Variants in GARNL3 observed in about 807,000 individuals in gnomAD.
GARNL3 encodes GTPase-activating Rap/Ran-GAP domain-like protein 3.
In GARNL3, 63 loss-of-function variants were observed where a neutral mutation model predicts 125.0. The ratio of observed to expected loss-of-function variants is 0.50; its 90% CI spans 0.41 to 0.62. GARNL3 has a LOEUF of 0.62. Among genes scored for constraint, GARNL3 ranks in the 20% least tolerant of loss-of-function variants. The pLI is 0.00. For missense variants in GARNL3, 994 were observed against 1,244.0 expected (o/e 0.80, Z 3.02); for synonymous variants, 439 against 457.5 (o/e 0.96, Z 0.52).
In GARNL3 at chr9:127,335,278, A is replaced by G; in HGVS notation, c.818A>G (p.Glu273Gly). 2 of 1,614,114 alleles carry G rather than the reference A, an allele frequency of 1.2e-6. 1 individual carries two copies. Among genetic ancestry groups the G allele is most frequent in the South Asian group, 2.2e-5 (2 of 91,090 alleles). ...GTTTATACTGTGTACCAAGGGCATG[A>G]GATCATGTTTCATGTTTCCACCATG... ...HSVYTVYQGH[E>G]IMFHVSTMLP... The change falls in exon 10 of 28, where the codon GAG becomes GGG. Residue 273 changes from glutamate (E) to glycine (G), a missense_variant. Glu to Gly is a moderately conservative substitution (Grantham distance 98). Around this residue, in one of 5 missense-constraint regions of GARNL3, gnomAD observed 71 missense variants for 66.2 expected, o/e 1.07. Transcript: ENST00000373387.
chr9:127,231,389 A>C (rs921416314), intron 1 of GARNL3, among the ~76,000 whole-genome samples: 1 of 151,958 alleles, frequency 6.6e-6, no homozygotes, highest in African/African-American at 2.4e-5. Flanking sequence ...TGATATTTTA[A>C]GACATATATC....
intron 22 of GARNL3, among the ~76,000 whole-genome samples, chr9:127,368,286 T>C (rs567830754): frequency 6.6e-6 from 1 of 151,238 alleles, no homozygotes; most frequent in South Asian, 2.1e-4. Context: ...GGACCAGAAC[T>C]ACAGCAGTGG....
intron 22 of GARNL3, among the ~76,000 whole-genome samples, chr9:127,371,264 C>G (rs1467508749): frequency 6.6e-6 from 1 of 152,228 alleles, no homozygotes; most frequent in Non-Finnish European, 1.5e-5. Flanking sequence ...CCACCTCTCC[C>G]CTCTGCACTG....
intron 2 of GARNL3, among the ~76,000 whole-genome samples, chr9:127,304,661 G>A (rs539393865): frequency 1.4e-5 from 2 of 145,514 alleles, no homozygotes; most frequent in Admixed American, 1.5e-4. Flanking sequence ...TCAGCCTCCC[G>A]AGTAGCTGGG....
At chr9:127,225,757 C>T (rs1314836810) in intron 1 of GARNL3, among the ~76,000 whole-genome samples, 1 of 104,080 alleles carries the variant, frequency 9.6e-6, no homozygotes, top group Non-Finnish European at 2.1e-5. Context: ...GGCTTCCTTC[C>T]GGCGCCCGCG....
chr9:127,330,216 A>C (rs1318067347), intron 7 of GARNL3, among the ~76,000 whole-genome samples: 5 of 152,242 alleles, frequency 3.3e-5, no homozygotes, highest in Non-Finnish European at 7.3e-5. Flanking sequence ...TTATTCTAAG[A>C]GGATCATATG....
chr9:127,335,358 A>G (rs1453561665), intron 10 of GARNL3, 25 bp downstream of exon 10: 8 of 1,501,454 alleles, frequency 5.3e-6, no homozygotes, highest in Non-Finnish European at 7.4e-6. Flanking sequence ...ACAAACCATC[A>G]AATAGTGATG....
At chr9:127,255,549 G>C (rs1258906145) in intron 2 of GARNL3, among the ~76,000 whole-genome samples, 1 of 152,126 alleles carries the variant, frequency 6.6e-6, no homozygotes, top group African/African-American at 2.4e-5. Context: ...ATGGGGTCAG[G>C]GAGAGGTACA....
chr9:127,260,793 CCT>C (rs1221938568), upstream of GARNL3, among the ~76,000 whole-genome samples: 3 of 152,184 alleles, frequency 2.0e-5, no homozygotes, highest in Non-Finnish European at 2.9e-5. Flanking sequence ...TCTGACAACC[CCT>C]GTTTGTGGAA....
At chr9:127,356,287 A>C (rs1366646944) in intron 20 of GARNL3, 1 of 152,178 alleles carries the variant, frequency 6.6e-6, no homozygotes, top group African/African-American at 2.4e-5. Flanking sequence ...TGGTAGCAGG[A>C]GAGATGGGAA....
At chr9:127,244,330 A>G (rs2063257896) in intron 2 of GARNL3, among the ~76,000 whole-genome samples, 2 of 152,242 alleles carry the variant, frequency 1.3e-5, no homozygotes, top group South Asian at 2.1e-4. Flanking sequence ...ATGAGCATTG[A>G]TCAGGCAAGA....
At chr9:127,362,505 C>G (rs1369527064) in intron 21 of GARNL3, 1 of 152,296 alleles carries the variant, frequency 6.6e-6, no homozygotes, top group Non-Finnish European at 1.5e-5. Flanking sequence ...GACCATGTTC[C>G]CACAGCTGGT....
chr9:127,295,149 T>A (rs1235336513), intron 2 of GARNL3, among the ~76,000 whole-genome samples: 1 of 152,224 alleles, frequency 6.6e-6, no homozygotes, highest in Non-Finnish European at 1.5e-5. Flanking sequence ...AGGAATTGGA[T>A]ATCATCCAGA....
chr9:127,312,899 G>A (rs2065133490), intron 3 of GARNL3, among the ~76,000 whole-genome samples: 1 of 152,210 alleles, frequency 6.6e-6, no homozygotes, highest in Non-Finnish European at 1.5e-5. Flanking sequence ...GATGCCTTCA[G>A]GTGCAGTAAC....
intron 1 of GARNL3, among the ~76,000 whole-genome samples, chr9:127,282,786 CA>C (rs1490476338): frequency 6.6e-6 from 1 of 152,092 alleles, no homozygotes; most frequent in African/African-American, 2.4e-5. Context: ...AGAATGGAAA[CA>C]AGCACCAACC....
At chr9:127,361,176 A>G (rs888120215) in intron 21 of GARNL3, among the ~76,000 whole-genome samples, 1 of 152,176 alleles carries the variant, frequency 6.6e-6, no homozygotes, top group Non-Finnish European at 1.5e-5. Flanking sequence ...ACTTGTTACA[A>G]GTCTGTGTTT....
chr9:127,231,837 T>C (rs912290474), intron 1 of GARNL3, among the ~76,000 whole-genome samples: 3 of 152,192 alleles, frequency 2.0e-5, no homozygotes, highest in African/African-American at 7.2e-5. Context: ...TAAAACACAG[T>C]TGCCTGAGCC....
At chr9:127,226,634 A>T (rs1447548643) in intron 1 of GARNL3, among the ~76,000 whole-genome samples, 1 of 152,044 alleles carries the variant, frequency 6.6e-6, no homozygotes, top group Non-Finnish European at 1.5e-5. Context: ...TCCTCTCTGT[A>T]TACGCCCACC....
chr9:127,224,941 G>GC (rs1434091554), intron 1 of GARNL3, among the ~76,000 whole-genome samples: 1 of 127,930 alleles, frequency 7.8e-6, no homozygotes, highest in Non-Finnish European at 1.7e-5. Context: ...GCGGGGCGTG[G>GC]GCGGGGCCTG....
Sources: allele counts gnomAD v4.1 joint callset (sites outside exome capture counted in the v4.1 genomes callset), GRCh38; gene constraint gnomAD v4.1.1; regional missense constraint gnomAD v4.1.1; transcripts MANE v1.5; gene names NCBI Gene and HGNC (gene_info 2026-07-23, HGNC 2026-07-21).